SDCCAG8: variants seen among roughly 807,000 people sequenced by gnomAD.
SDCCAG8 encodes the protein SHH signaling and ciliogenesis regulator SDCCAG8, also known as serologically defined colon cancer antigen 8.
Under a neutral mutation model 101.8 loss-of-function variants are expected in SDCCAG8, and 74 were observed. That is an observed-to-expected ratio of 0.73 (90% CI 0.60 to 0.88). The LOEUF (loss-of-function observed/expected upper bound fraction) is 0.88, where lower values mean the gene tolerates loss of function less well. SDCCAG8 is among the 40% of genes least tolerant of loss of function. The pLI is 0.00. For missense variants in SDCCAG8, 787 were observed against 822.6 expected (o/e 0.96, Z 0.53); for synonymous variants, 281 against 292.9 (o/e 0.96, Z 0.41).
At chr1:243,437,375 G>A (rs905643323) in intron 16 of SDCCAG8, among the ~76,000 whole-genome samples, 2 of 151,958 alleles carry the variant, frequency 1.3e-5, no homozygotes, top group Admixed American at 6.6e-5. Context: ...GGAGGTATAC[G>A]GTAATCATAC....
At chr1:243,423,043 C>T (rs537619289) in intron 15 of SDCCAG8, among the ~76,000 whole-genome samples, 14 of 152,024 alleles carry the variant, frequency 9.2e-5, no homozygotes, top group South Asian at 6.2e-4. Context: ...AGGAACATAT[C>T]GTGAGCTGCA....
At chr1:243,330,999 A>T (rs144685988) in intron 10 of SDCCAG8, among the ~76,000 whole-genome samples, 1 of 152,196 alleles carries the variant, frequency 6.6e-6, no homozygotes, top group Non-Finnish European at 1.5e-5. Flanking sequence ...GAGTCGTGCT[A>T]TGAAGATACC....
chr1:243,332,806 A>G (rs1193748483), intron 10 of SDCCAG8, among the ~76,000 whole-genome samples: 2 of 149,358 alleles, frequency 1.3e-5, no homozygotes, highest in South Asian at 4.3e-4. Flanking sequence ...GGAGGTGGTT[A>G]TCGTAGTCCA....
At chr1:243,364,962 G>C (rs183644196) in intron 12 of SDCCAG8, among the ~76,000 whole-genome samples, 3 of 152,310 alleles carry the variant, frequency 2.0e-5, no homozygotes, top group Non-Finnish European at 4.4e-5. Context: ...AGTTCTTGCT[G>C]ATTAACAGTT....
intron 16 of SDCCAG8, chr1:243,487,867 CAG>C (rs1399308173): frequency 6.5e-6 from 1 of 152,770 alleles, no homozygotes; most frequent in African/African-American, 2.4e-5. Context: ...TGGCTGAAAA[CAG>C]GGAGTCATGG....
chr1:243,371,028 G>A (rs543335976), intron 12 of SDCCAG8, among the ~76,000 whole-genome samples: 3 of 152,210 alleles, frequency 2.0e-5, no homozygotes, highest in Admixed American at 6.5e-5. Flanking sequence ...ACCTCAGGAC[G>A]TCTTCAAGTC....
At chr1:243,256,938 G>A (rs1474103357) in intron 1 of SDCCAG8, among the ~76,000 whole-genome samples, 2 of 152,188 alleles carry the variant, frequency 1.3e-5, no homozygotes, top group East Asian at 1.9e-4. Context: ...ATATGAGCAA[G>A]TATCTGTACA....
intron 13 of SDCCAG8, among the ~76,000 whole-genome samples, chr1:243,404,856 C>T (rs2079649020): frequency 6.7e-6 from 1 of 149,608 alleles, no homozygotes; most frequent in Non-Finnish European, 1.5e-5. Flanking sequence ...CAAACTTAGA[C>T]TTCTTCTTTT....
intron 15 of SDCCAG8, among the ~76,000 whole-genome samples, chr1:243,421,201 C>T (rs1220898702): frequency 2.0e-5 from 3 of 152,138 alleles, no homozygotes; most frequent in Non-Finnish European, 4.4e-5. Flanking sequence ...ATTTTTCCTT[C>T]CTCTGTTACT....
chr1:243,426,938 G>A (rs1265688046), intron 16 of SDCCAG8, among the ~76,000 whole-genome samples: 1 of 152,212 alleles, frequency 6.6e-6, no homozygotes, highest in Non-Finnish European at 1.5e-5. Flanking sequence ...TAGGTCTAAA[G>A]AGGTTAAACA....
At chr1:243,258,989 A>G (rs746616737) in intron 1 of SDCCAG8, among the ~76,000 whole-genome samples, 8 of 152,236 alleles carry the variant, frequency 5.3e-5, no homozygotes, top group Admixed American at 3.3e-4. Context: ...TAGCTTGTAA[A>G]TAACTGCACA....
intron 16 of SDCCAG8, among the ~76,000 whole-genome samples, chr1:243,468,221 GTTTT>G (rs777469574): frequency 7.1e-6 from 1 of 141,204 alleles, no homozygotes; most frequent in African/African-American, 2.6e-5. Context: ...TTCTTCAAAG[GTTTT>G]TTTTTTTTTT....
At chr1:243,415,586 G>T in intron 13 of SDCCAG8, 116 bp from the exon 14 acceptor site, 1 of 1,435,564 alleles carries the variant, frequency 7.0e-7, no homozygotes, top group Non-Finnish European at 9.8e-7. Context: ...AAAGGTCCTT[G>T]TCTTCTTATG....
Position 243,360,715 on chromosome 1 carries a change from G to A in SDCCAG8, c.1473+16384G>A, listed in dbSNP as rs879437981. ...CAGGTGCCTATAGTCCCAGCTACTC[G>A]GGAGGCTGAGGCAGGAGAATCGTTT... On this transcript the variant is annotated intron_variant, in intron 12 of 17. Coordinates refer to ENST00000366541, the MANE Select transcript of SDCCAG8 (RefSeq NM_006642.5). Among the ~76,000 whole-genome samples, 78 of 152,122 alleles carry A rather than the reference G, an allele frequency of 5.1e-4. No homozygotes were observed. The Middle Eastern group carries it at 0.01, about 20-fold the overall frequency.
At chr1:243,498,413 G>A (rs971280780) in intron 17 of SDCCAG8, among the ~76,000 whole-genome samples, 12 of 152,106 alleles carry the variant, frequency 7.9e-5, no homozygotes, top group African/African-American at 2.2e-4. Context: ...CTGGCTCCAC[G>A]GGCCTGGGAG....
At chr1:243,261,966 A>AC (rs2067226941) in intron 1 of SDCCAG8, among the ~76,000 whole-genome samples, 8 of 149,300 alleles carry the variant, frequency 5.4e-5, no homozygotes, top group Non-Finnish European at 1.0e-4. Context: ...ACGTGCCAAC[A>AC]CACCTGGCTA....
chr1:243,463,733 C>T (rs1423250370), intron 16 of SDCCAG8, among the ~76,000 whole-genome samples: 1 of 152,222 alleles, frequency 6.6e-6, no homozygotes, highest in Admixed American at 6.5e-5. Context: ...AATCCACTGA[C>T]ATCTTCTCCC....
chr1:243,308,468 C>T (rs936235084), intron 8 of SDCCAG8, among the ~76,000 whole-genome samples: 3 of 152,164 alleles, frequency 2.0e-5, no homozygotes, highest in Admixed American at 1.3e-4. Context: ...CAGTTCTTTA[C>T]GATTCTGTCC....
intron 16 of SDCCAG8, among the ~76,000 whole-genome samples, chr1:243,439,771 T>C (rs1025970452): frequency 5.3e-5 from 8 of 152,118 alleles, no homozygotes; most frequent in African/African-American, 1.9e-4. Context: ...ACATAGCTAA[T>C]ATGTGGCATT....
Sources: allele counts gnomAD v4.1 joint callset (sites outside exome capture counted in the v4.1 genomes callset), GRCh38; gene constraint gnomAD v4.1.1; transcripts MANE v1.5; gene names NCBI Gene and HGNC (gene_info 2026-07-23, HGNC 2026-07-21).